The following MDFI variants were observed in gnomAD, a reference collection of about 807,000 sequenced individuals.
The protein encoded by MDFI is inhibitor of MyoD family a.
MDFI carries 16 observed loss-of-function variants against 22.3 expected under a neutral mutation model. That is an observed-to-expected ratio of 0.72 (90% CI 0.49 to 1.09). The LOEUF is 1.09. Among genes scored for constraint, MDFI ranks in the 50% least tolerant of loss-of-function variants. MDFI has a pLI of 0.00. For synonymous variants in MDFI, 145 were observed against 142.7 expected, an observed-to-expected ratio of 1.02 and a Z score of -0.12; for missense variants, 314 against 326.1, an observed-to-expected ratio of 0.96 and a Z score of 0.29.
intron 3 of MDFI, among the ~76,000 whole-genome samples, chr6:41,647,191 T>C (rs3789209): frequency 0.37 from 55,735 of 151,818 alleles, 11,480 homozygotes; most frequent in Admixed American, 0.54. Flanking sequence ...CTAGCAGAAT[T>C]GAGAGAAAGA....
intron 2 of MDFI, among the ~76,000 whole-genome samples, chr6:41,643,195 G>A (rs1581830414): frequency 1.3e-5 from 2 of 152,216 alleles, no homozygotes; most frequent in South Asian, 2.1e-4. Context: ...CGGCTCACTC[G>A]GGGGTCTTGA....
chr6:41,637,238 C>T (rs913956549), upstream of MDFI: 8 of 152,094 alleles, frequency 5.3e-5, no homozygotes, highest in Non-Finnish European at 1.2e-4. The surrounding 1 kb of genome is among the most constrained non-coding windows in gnomAD (Gnocchi z 6.8). Context: ...CCATCCCGGT[C>T]CTGGCCCCGA....
In MDFI at chr6:41,643,535, AAGGAG is replaced by A. The variant is rs1561829512; in HGVS notation, c.77-2590_77-2586del. Among the ~76,000 whole-genome samples, 207 of 111,562 alleles carry A rather than the reference AAGGAG, an allele frequency of 1.9e-3. 8 individuals carry two copies. The highest frequency in any genetic ancestry group is 6.6e-3 in the African/African-American group (189 of 28,612). 73.2% of individuals were successfully genotyped at this position (111,562 alleles called of 152,430 possible). ...AAACCACACAGCACAGGAAGGAGGG[AAGGAG>A]GGAAGGAGGGAAGGAAGGAAGGAAG... On this transcript the variant is annotated intron_variant, in intron 2 of 4. Transcript: ENST00000230321.
chr6:41,642,990 G>C (rs907555300), intron 2 of MDFI, among the ~76,000 whole-genome samples: 1 of 152,166 alleles, frequency 6.6e-6, no homozygotes, highest in East Asian at 1.9e-4. Flanking sequence ...CTGCGGGGAG[G>C]AGGGGGAGCA....
In MDFI at chr6:41,653,197, C is replaced by T; in HGVS notation, c.485-122C>T. ...GGGACGGATTCGTGAGCTTCAGGCA[C>T]ACAGTGAACACTCAGCGTCCCTGCT... is the stretch of plus-strand genomic sequence containing the variant. On this transcript the variant is annotated intron_variant, in intron 4 of 4. Transcript: ENST00000230321. This position sits in a 1 kb window ranked among gnomAD's most constrained non-coding sequence, Gnocchi z 4.2. 2 of 1,002,432 alleles carry T rather than the reference C, an allele frequency of 2.0e-6. No homozygotes were observed. Among genetic ancestry groups the T allele is most frequent in the East Asian group, 2.4e-5 (1 of 41,654 alleles). The allele number at this position is 1,002,432 out of a possible 1,614,324, so 62.1% of individuals were successfully genotyped here.
In MDFI at chr6:41,653,885, A is replaced by G; in HGVS notation, c.*310A>G. 2.8e-6 allele frequency: 1 copy of G among 352,932 alleles called. No homozygotes were observed. The highest frequency in any genetic ancestry group is 5.3e-6 in the Non-Finnish European group (1 of 187,588). The allele number at this position is 352,932 out of a possible 1,614,324, so 21.9% of individuals were successfully genotyped here. A position where few individuals can be genotyped will look rare whatever the true frequency, so the allele number is the denominator to read the frequency against. ...GGGGCAGGGCTGGGGTGGGGACCGCAGGGGGCAGCCAGGGCTGGGGAACAC... is the reference window on the plus strand; with the variant it reads ...GGGGCAGGGCTGGGGTGGGGACCGCGGGGGGCAGCCAGGGCTGGGGAACAC... On this transcript the variant is annotated 3_prime_UTR_variant, in exon 5 of 5. Coordinates refer to ENST00000230321, the MANE Select transcript of MDFI (RefSeq NM_005586.4). This position sits in a 1 kb window ranked among gnomAD's most constrained non-coding sequence, Gnocchi z 4.2.
intron 2 of MDFI, 24 bp from the exon 3 acceptor site, chr6:41,646,102 C>T (rs757208409): frequency 6.2e-6 from 9 of 1,441,986 alleles, no homozygotes; most frequent in Middle Eastern, 3.7e-4. Flanking sequence ...GAAAATGGAC[C>T]TCAGTCATCT....
intron 3 of MDFI, 146 bp from the exon 4 acceptor site, chr6:41,649,473 G>C (rs2127434276): frequency 1.4e-6 from 1 of 724,368 alleles, no homozygotes; most frequent in South Asian, 1.9e-5. Flanking sequence ...TTCTCTCTGG[G>C]CCTCAGTTTC....
intron 3 of MDFI, among the ~76,000 whole-genome samples, chr6:41,647,867 C>T (rs1056329668): frequency 2.0e-5 from 3 of 151,972 alleles, no homozygotes; most frequent in Admixed American, 2.0e-4. Context: ...ACGGTGAAAC[C>T]CCATCCCTAC....
Position 41,638,904 on chromosome 6 carries a change from G to A in MDFI, c.76+79G>A. On this transcript the variant is annotated intron_variant, in intron 2 of 4. Coordinates refer to ENST00000230321, the MANE Select transcript of MDFI (RefSeq NM_005586.4). The surrounding 1 kb of genome is among the most constrained non-coding windows in gnomAD (Gnocchi z 7.6). ...GGGCCAGTTATTAGTTCTCCTCTCC[G>A]TCCCCAGACGCGGGGAGACCGTTCC... 7.1e-7 allele frequency: 1 copy of A among 1,408,138 alleles called. No homozygotes were observed. Among genetic ancestry groups the A allele is most frequent in the Non-Finnish European group, 9.5e-7 (1 of 1,051,298 alleles). The allele number at this position is 1,408,138 out of a possible 1,614,324, so 87.2% of individuals were successfully genotyped here. A position where few individuals can be genotyped will look rare whatever the true frequency, so the allele number is the denominator to read the frequency against.
chr6:41,640,237 T>G (rs1323602769), intron 2 of MDFI, among the ~76,000 whole-genome samples: 1 of 152,120 alleles, frequency 6.6e-6, no homozygotes, highest in Non-Finnish European at 1.5e-5. Flanking sequence ...CTCAGCCTCC[T>G]GCTCTCCCAT....
intron 2 of MDFI, chr6:41,639,860 G>T: frequency 1.0e-6 from 1 of 985,346 alleles, no homozygotes; most frequent in South Asian, 4.7e-5. Context: ...CTCCACATGC[G>T]CCCTCGAAGC....
intron 4 of MDFI, among the ~76,000 whole-genome samples, chr6:41,650,573 C>CTTTTTTT (rs34897556): frequency 3.1e-5 from 4 of 129,660 alleles, no homozygotes; most frequent in East Asian, 2.2e-4. Context: ...AGTCTTTTTC[C>CTTTTTTT]TTTTTTTTTT....
intron 2 of MDFI, chr6:41,639,428 A>G: frequency 1.0e-6 from 1 of 985,308 alleles, no homozygotes; most frequent in Non-Finnish European, 1.2e-6. Context: ...CCCAAGTGAA[A>G]TGCCCCGTCC....
At chr6:41,641,403 T>G (rs1033528642) in intron 2 of MDFI, among the ~76,000 whole-genome samples, 2 of 152,026 alleles carry the variant, frequency 1.3e-5, no homozygotes, top group Non-Finnish European at 2.9e-5. Flanking sequence ...CCAGGATGAG[T>G]TGGGTTTGGA....
At chr6:41,646,006 G>A (rs763214849) in intron 2 of MDFI, 120 bp from the exon 3 acceptor site, 1 of 913,952 alleles carries the variant, frequency 1.1e-6, no homozygotes, top group Non-Finnish European at 1.6e-6. Context: ...CTGCATAACT[G>A]ATGCAGACAG....
At chr6:41,641,170 C>T (rs1387840668) in intron 2 of MDFI, among the ~76,000 whole-genome samples, 7 of 152,180 alleles carry the variant, frequency 4.6e-5, no homozygotes, top group Non-Finnish European at 1.0e-4. Flanking sequence ...ATTCCAAACT[C>T]CAGAAAGTAC....
In MDFI at chr6:41,648,907, A is replaced by G. The variant is rs12523956; in HGVS notation, c.260-712A>G. Among the ~76,000 whole-genome samples, 787 of 152,276 alleles carry G rather than the reference A, an allele frequency of 5.2e-3. 23 individuals are homozygous for G. Among genetic ancestry groups the G allele is most frequent in the Admixed American group, 0.044 (679 of 15,294 alleles). On this transcript the variant is annotated intron_variant, in intron 3 of 4. Transcript: ENST00000230321. ...CTGAAGTCTGGTCCCTCAGCCTGCA[A>G]TGGGGACCCGGGGGTCCTGGCTTCA...
intron 2 of MDFI, among the ~76,000 whole-genome samples, chr6:41,645,757 T>A (rs1335337648): frequency 1.3e-5 from 2 of 152,106 alleles, no homozygotes; most frequent in South Asian, 2.1e-4. Context: ...CCTTTGATTC[T>A]CCCTGTCACT....
Sources: allele counts gnomAD v4.1 joint callset (sites outside exome capture counted in the v4.1 genomes callset), GRCh38; gene constraint gnomAD v4.1.1; non-coding constraint Gnocchi (gnomAD v3.1); transcripts MANE v1.5; gene names NCBI Gene and HGNC (gene_info 2026-07-23, HGNC 2026-07-21).